IGSF5: variants seen among roughly 807,000 people sequenced by gnomAD.
IGSF5 encodes immunoglobulin superfamily member 5.
Under a neutral mutation model 39.4 loss-of-function variants are expected in IGSF5, and 41 were observed. That is an observed-to-expected ratio of 1.04 (90% CI 0.81 to 1.35). The LOEUF (loss-of-function observed/expected upper bound fraction) is 1.35, where lower values mean the gene tolerates loss of function less well. Ranked by LOEUF, IGSF5 falls within the 40% of genes most tolerant of loss-of-function variation. The probability of loss-of-function intolerance (pLI) is 0.00; values close to 1 mark genes in which losing one functional copy is unlikely to be tolerated. For synonymous variants in IGSF5, 183 were observed against 175.3 expected, an observed-to-expected ratio of 1.04 and a Z score of -0.34; for missense variants, 487 against 494.6, an observed-to-expected ratio of 0.98 and a Z score of 0.15.
the IGSF5 span, among the ~76,000 whole-genome samples, chr21:39,717,701 T>TA: frequency 1.3e-5 from 2 of 152,234 alleles, no homozygotes; most frequent in African/African-American, 2.4e-5. Context: ...TTGGTCTATA[T>TA]GCCTGTTTTT....
the IGSF5 span, among the ~76,000 whole-genome samples, chr21:39,723,598 G>A: frequency 2.6e-5 from 4 of 152,202 alleles, no homozygotes; most frequent in Non-Finnish European, 4.4e-5. Context: ...AGGTCACAGA[G>A]TGGGTCAGTG....
chr21:39,757,143 G>C (rs768331692), intron 2 of IGSF5, among the ~76,000 whole-genome samples: 33 of 151,996 alleles, frequency 2.2e-4, no homozygotes, highest in Non-Finnish European at 4.1e-4. Flanking sequence ...CGCTGTGCAT[G>C]GTGCACCTTC....
At chr21:39,754,627 G>A (rs2146273253) in intron 2 of IGSF5, among the ~76,000 whole-genome samples, 1 of 152,218 alleles carries the variant, frequency 6.6e-6, no homozygotes, top group Non-Finnish European at 1.5e-5. Flanking sequence ...GCTAAATCCT[G>A]TCTATTTAAT....
chr21:39,716,088 G>A, the IGSF5 span, among the ~76,000 whole-genome samples: 1 of 152,174 alleles, frequency 6.6e-6, no homozygotes. Flanking sequence ...CCAAGAGGGT[G>A]TCAGGAGGGT....
intron 3 of IGSF5, among the ~76,000 whole-genome samples, chr21:39,770,289 A>AT (rs2080107366): frequency 6.6e-6 from 1 of 151,958 alleles, no homozygotes; most frequent in Non-Finnish European, 1.5e-5. Flanking sequence ...AAAATAACTT[A>AT]TCTAAGTTAT....
intron 5 of IGSF5, among the ~76,000 whole-genome samples, chr21:39,781,769 C>A (rs1042601240): frequency 6.6e-6 from 1 of 152,152 alleles, no homozygotes; most frequent in Non-Finnish European, 1.5e-5. Context: ...TGATTGAGAA[C>A]AATTTTTATA....
chr21:39,759,539 T>C (rs1455474944), intron 2 of IGSF5, among the ~76,000 whole-genome samples: 1 of 152,138 alleles, frequency 6.6e-6, no homozygotes, highest in Non-Finnish European at 1.5e-5. Context: ...GGATGAACTC[T>C]GGGTCTAGTG....
At chr21:39,739,590 T>G in the IGSF5 span, among the ~76,000 whole-genome samples, 4 of 152,160 alleles carry the variant, frequency 2.6e-5, no homozygotes, top group Non-Finnish European at 5.9e-5. Context: ...TAGTCCTGTC[T>G]GTCAGTCCTC....
At chr21:39,799,167 T>C (rs925330863) in intron 8 of IGSF5, among the ~76,000 whole-genome samples, 21 of 152,248 alleles carry the variant, frequency 1.4e-4, no homozygotes, top group African/African-American at 5.1e-4. Context: ...ATTTCTTCCC[T>C]GAACATGAGA....
chr21:39,764,026 GAGT>G (rs1281737803), intron 2 of IGSF5, among the ~76,000 whole-genome samples: 1 of 152,042 alleles, frequency 6.6e-6, no homozygotes, highest in Non-Finnish European at 1.5e-5. Flanking sequence ...ACAAAACAAA[GAGT>G]AGTAATCATG....
At chr21:39,780,700 A>T (rs935250895) in intron 5 of IGSF5, among the ~76,000 whole-genome samples, 5 of 152,216 alleles carry the variant, frequency 3.3e-5, no homozygotes, top group African/African-American at 9.7e-5. Context: ...GTATGAAAGC[A>T]GTAGCCTTGC....
At chr21:39,781,040 G>C (rs976023712) in intron 5 of IGSF5, among the ~76,000 whole-genome samples, 6 of 152,182 alleles carry the variant, frequency 3.9e-5, no homozygotes, top group Admixed American at 2.0e-4. Context: ...CAGGCACTGT[G>C]CTAACTCTTT....
chr21:39,737,660 CT>C, the IGSF5 span, among the ~76,000 whole-genome samples: 3 of 152,210 alleles, frequency 2.0e-5, no homozygotes, highest in Non-Finnish European at 2.9e-5. Context: ...GGGGGCGGAG[CT>C]TCCATGCCTT....
chr21:39,795,205 C>A (rs139620470), intron 8 of IGSF5, among the ~76,000 whole-genome samples: 1 of 152,214 alleles, frequency 6.6e-6, no homozygotes, highest in East Asian at 1.9e-4. Flanking sequence ...GCACATACAT[C>A]TTTTGATGCA....
chr21:39,759,167 T>C (rs1372501077), intron 2 of IGSF5, among the ~76,000 whole-genome samples: 1 of 152,208 alleles, frequency 6.6e-6, no homozygotes, highest in African/African-American at 2.4e-5. Flanking sequence ...AAGAATAAAA[T>C]GGAATCAAAT....
At position 39,779,457 on chromosome 21, in the gene IGSF5, G is replaced by A. The variant is rs2080158688; in HGVS notation, c.934+152G>A. On this transcript the variant is annotated intron_variant, in intron 5 of 8. Transcript: ENST00000380588. ...AACTGTGGTTGCACACTGTTGGTGG[G>A]ATGTAAATTGTTACAGCCTTTATGG... is the stretch of plus-strand genomic sequence containing the variant. The A allele has an allele frequency of 9.7e-6, 10 of 1,035,412 alleles. No individual in the cohort carries two copies. In the South Asian group the frequency reaches 1.5e-4, roughly 16 times the overall value. 64.1% of individuals were successfully genotyped at this position (1,035,412 alleles called of 1,614,324 possible).
At chr21:39,743,863 C>T (rs1462318571), upstream of IGSF5, among the ~76,000 whole-genome samples, 3 of 145,206 alleles carry the variant, frequency 2.1e-5, no homozygotes, top group Non-Finnish European at 4.6e-5. Context: ...CACGGCCAGG[C>T]GGTACTGCAG....
At chr21:39,727,759 G>A in the IGSF5 span, 2 of 152,284 alleles carry the variant, frequency 1.3e-5, no homozygotes, top group African/African-American at 4.8e-5. Flanking sequence ...AAGAACGAGG[G>A]GGGGAGCTGC....
chr21:39,749,035 C>T (rs8132857), intron 2 of IGSF5, among the ~76,000 whole-genome samples: 14,900 of 151,814 alleles, frequency 0.098, 2,372 homozygotes, highest in African/African-American at 0.34. Context: ...GACAAATTAA[C>T]GGGAGAAAAA....
Sources: gnomAD v4.1 joint callset for allele counts (sites outside exome capture counted in the v4.1 genomes callset) on GRCh38, gnomAD v4.1.1 for gene constraint, MANE v1.5 for transcripts, NCBI Gene and HGNC (gene_info 2026-07-23, HGNC 2026-07-21) for gene names.